The following NCOR2 variants were observed in gnomAD, a reference collection of about 807,000 sequenced individuals.
NCOR2 encodes the protein nuclear receptor corepressor 2.
NCOR2 carries 81 observed loss-of-function variants against 262.9 expected under a neutral mutation model. The observed-to-expected ratio is 0.31, with a 90% confidence interval of 0.26 to 0.37. The LOEUF is 0.37. Among genes scored for constraint, NCOR2 ranks in the 10% least tolerant of loss-of-function variants. NCOR2 has a pLI of 1.00. For synonymous variants in NCOR2, 1,659 were observed against 1,559.3 expected, an observed-to-expected ratio of 1.06 and a Z score of -1.51; for missense variants, 3,385 against 3,621.4, an observed-to-expected ratio of 0.93 and a Z score of 1.68.
Position 124,417,068 on chromosome 12 carries a change from C to T in NCOR2, c.1482+2889G>A, listed in dbSNP as rs371675801. Among the ~76,000 whole-genome samples, 372 of 136,956 alleles carry T rather than the reference C, an allele frequency of 2.7e-3. 6 individuals carry two copies. In the East Asian group the frequency reaches 0.032, roughly 12 times the overall value. 89.8% of individuals were successfully genotyped at this position (136,956 alleles called of 152,430 possible). On this transcript the variant is annotated intron_variant, in intron 13 of 46. Coordinates refer to ENST00000405201, the Ensembl canonical transcript of NCOR2. ...GAGAGCAAGCCGGACACTCACTCCA[C>T]GGAGAGCAGGCCGGACAGTCACTCC...
intron 43 of NCOR2, 113 bp from the exon 46 acceptor site, chr12:124,331,011 C>T: frequency 9.3e-7 from 1 of 1,074,298 alleles, no homozygotes; most frequent in Admixed American, 2.2e-5. Context: ...GAAACTTGTG[C>T]ATTGCAGGTT....
chr12:124,529,114 G>A (rs1189813531), intron 1 of NCOR2, among the ~76,000 whole-genome samples: 6 of 148,734 alleles, frequency 4.0e-5, no homozygotes, highest in Non-Finnish European at 8.9e-5. Context: ...GGGAGGCGGA[G>A]GTTGCAGTGA....
chr12:124,487,837 A>C (rs1276721593), intron 1 of NCOR2, among the ~76,000 whole-genome samples: 1 of 151,334 alleles, frequency 6.6e-6, no homozygotes, highest in Admixed American at 6.6e-5. Flanking sequence ...ACCAATTGCC[A>C]AGTACACCCA....
chr12:124,437,366 G>T (rs537272337), intron 8 of NCOR2, among the ~76,000 whole-genome samples: 238 of 152,292 alleles, frequency 1.6e-3, no homozygotes, highest in Middle Eastern at 3.4e-3. Context: ...TCCCCGCCGT[G>T]GGCTGAGATC....
upstream of NCOR2, among the ~76,000 whole-genome samples, chr12:124,498,449 C>G (rs1360656325): frequency 6.6e-6 from 1 of 152,208 alleles, no homozygotes; most frequent in South Asian, 2.1e-4. Flanking sequence ...CCCCACCCAG[C>G]GCCTCACATG....
Position 124,333,296 on chromosome 12 carries a change from C to G in NCOR2, c.6606-17G>C, listed in dbSNP as rs776993262. 10 of 1,584,444 alleles carry G rather than the reference C, an allele frequency of 6.3e-6. 1 individual carries two copies. The South Asian group carries it at 1.1e-4, about 18-fold the overall frequency. ...TCTGGAGACCTGGATGGAGAAAGGGCCCCAGATGTGGTCAGAGGTCTCCCT... is the reference window on the plus strand; with the variant it reads ...TCTGGAGACCTGGATGGAGAAAGGGGCCCAGATGTGGTCAGAGGTCTCCCT... On this transcript the variant is annotated splice_polypyrimidine_tract_variant and intron_variant, in intron 41 of 46. Coordinates refer to ENST00000405201, the Ensembl canonical transcript of NCOR2.
At chr12:124,337,161 G>A in exon 38 of NCOR2, 2 of 1,534,142 alleles carry the variant, frequency 1.3e-6, no homozygotes, top group Non-Finnish European at 1.8e-6. Flanking sequence ...GGGCGAACGG[G>A]TGAGGAGGTG....
chr12:124,364,676 G>A (rs142144708), intron 20 of NCOR2, among the ~76,000 whole-genome samples: 22 of 152,302 alleles, frequency 1.4e-4, no homozygotes, highest in African/African-American at 4.3e-4. Flanking sequence ...CCCCAGCACC[G>A]GGTATAGCAC....
chr12:124,330,500 A>G (rs1173241992), intron 44 of NCOR2, among the ~76,000 whole-genome samples: 1 of 152,220 alleles, frequency 6.6e-6, no homozygotes, highest in Admixed American at 6.5e-5. Context: ...TTGTGCTCTG[A>G]GCTCAGGCCC....
intron 5 of NCOR2, among the ~76,000 whole-genome samples, chr12:124,463,158 G>A (rs1316403869): frequency 6.6e-6 from 1 of 152,248 alleles, no homozygotes; most frequent in Non-Finnish European, 1.5e-5. Context: ...CACATCGCTA[G>A]CGCTGCCTCT....
intron 4 of NCOR2, among the ~76,000 whole-genome samples, chr12:124,472,573 T>A (rs1437393377): frequency 6.6e-6 from 1 of 152,214 alleles, no homozygotes. Flanking sequence ...AGAAACAGGA[T>A]CTGAACCTGG....
At chr12:124,370,439 C>T (rs1298420503) in intron 20 of NCOR2, among the ~76,000 whole-genome samples, 1 of 152,198 alleles carries the variant, frequency 6.6e-6, no homozygotes, top group Non-Finnish European at 1.5e-5. Context: ...AGGGCAGAGA[C>T]AAGGGCCCCG....
chr12:124,437,552 G>A (rs1006898195), intron 8 of NCOR2, among the ~76,000 whole-genome samples: 3 of 152,182 alleles, frequency 2.0e-5, no homozygotes, highest in Admixed American at 1.3e-4. Context: ...GTGCGCCTGC[G>A]GCCCCTGCTG....
intron 3 of NCOR2, among the ~76,000 whole-genome samples, chr12:124,475,403 A>T (rs190652708): frequency 7.2e-5 from 11 of 152,306 alleles, no homozygotes; most frequent in Non-Finnish European, 1.2e-4. Flanking sequence ...CTGCTGCTCC[A>T]TCTCCATTAC....
At position 124,434,223 on chromosome 12, in the gene NCOR2, G is replaced by A. The variant is rs372826764; in HGVS notation, c.883-3436C>T. 3.4e-4 allele frequency among the ~76,000 whole-genome samples: 52 copies of A among 152,098 alleles called. No homozygotes were observed. In the East Asian group the frequency reaches 8.5e-3, roughly 25 times the overall value. ...GTGGGGGTCCCAGGGTCTGAGGGGG[G>A]TCTGACTCCCCAGTGGGGGTGAGGC... is the stretch of plus-strand genomic sequence containing the variant. On this transcript the variant is annotated intron_variant, in intron 8 of 46. Coordinates refer to ENST00000405201, the Ensembl canonical transcript of NCOR2.
At chr12:124,462,442 G>A (rs1166924928) in intron 5 of NCOR2, among the ~76,000 whole-genome samples, 1 of 152,252 alleles carries the variant, frequency 6.6e-6, no homozygotes, top group Non-Finnish European at 1.5e-5. Flanking sequence ...TTCCTCATCT[G>A]CAAACAGAGC....
At chr12:124,488,956 G>A (rs1248140099) in intron 1 of NCOR2, among the ~76,000 whole-genome samples, 5 of 151,894 alleles carry the variant, frequency 3.3e-5, no homozygotes, top group Non-Finnish European at 5.9e-5. Flanking sequence ...CATCTTGGGT[G>A]CCGTTTCTGC....
At chr12:124,373,963 G>A (rs1351081614) in intron 19 of NCOR2, among the ~76,000 whole-genome samples, 1 of 151,734 alleles carries the variant, frequency 6.6e-6, no homozygotes, top group African/African-American at 2.4e-5. Flanking sequence ...CACAGCAGGA[G>A]CGCGATCTGT....
At chr12:124,334,993 C>T in intron 40 of NCOR2, 142 bp downstream of exon 42, 1 of 1,292,346 alleles carries the variant, frequency 7.7e-7, no homozygotes, top group South Asian at 1.3e-5. Context: ...CTCACCCACG[C>T]CCTGGATCCC....
Sources: gnomAD v4.1 joint callset for allele counts (sites outside exome capture counted in the v4.1 genomes callset) on GRCh38, gnomAD v4.1.1 for gene constraint, MANE v1.5 for transcripts, NCBI Gene and HGNC (gene_info 2026-07-23, HGNC 2026-07-21) for gene names.